DSCAM: variants seen among roughly 807,000 people sequenced by gnomAD.
DSCAM encodes DS cell adhesion molecule, also known as cell adhesion molecule DSCAM.
In DSCAM, 47 loss-of-function variants were observed where a neutral mutation model predicts 217.7. The ratio of observed to expected loss-of-function variants is 0.22; its 90% CI spans 0.17 to 0.28. The LOEUF is 0.28. DSCAM is among the 10% of genes least tolerant of loss of function. The pLI, the probability that DSCAM is intolerant of heterozygous loss-of-function variation, is 1.00. For missense variants in DSCAM, 2,080 were observed against 2,618.3 expected (o/e 0.79, Z 4.49); for synonymous variants, 1,056 against 1,015.3 (o/e 1.04, Z -0.76).
At chr21:40,028,186 G>A (rs1055494117) in intron 32 of DSCAM, among the ~76,000 whole-genome samples, 27 of 105,566 alleles carry the variant, frequency 2.6e-4, no homozygotes, top group Non-Finnish European at 4.4e-4. Context: ...GGGGTCCGGG[G>A]TCAGGGACCC....
chr21:40,216,455 T>A (rs990028464), intron 11 of DSCAM, among the ~76,000 whole-genome samples: 2 of 152,094 alleles, frequency 1.3e-5, no homozygotes, highest in African/African-American at 4.8e-5. Context: ...AACTGGTTGC[T>A]TTATAAAAAA....
At chr21:40,744,638 T>C (rs970827143) in intron 1 of DSCAM, among the ~76,000 whole-genome samples, 2 of 152,092 alleles carry the variant, frequency 1.3e-5, no homozygotes, top group African/African-American at 4.8e-5. Flanking sequence ...CAATATCAAG[T>C]AGTAGAGGTC....
At chr21:40,385,500 CAA>C (rs1372509443) in intron 3 of DSCAM, 1 of 152,216 alleles carries the variant, frequency 6.6e-6, no homozygotes, top group Non-Finnish European at 1.5e-5. Context: ...CAATTTTGCA[CAA>C]ACTTTTACAA....
At chr21:40,256,784 A>G (rs1193950984) in intron 11 of DSCAM, among the ~76,000 whole-genome samples, 1 of 152,226 alleles carries the variant, frequency 6.6e-6, no homozygotes, top group African/African-American at 2.4e-5. Context: ...TCTGAGTACC[A>G]TGCCTAGCAA....
At chr21:40,671,717 A>C (rs971585884) in intron 3 of DSCAM, among the ~76,000 whole-genome samples, 1 of 148,184 alleles carries the variant, frequency 6.7e-6, no homozygotes, top group African/African-American at 2.5e-5. Context: ...AAAAAGGATG[A>C]CTATGGGAAA....
intron 3 of DSCAM, among the ~76,000 whole-genome samples, chr21:40,544,190 G>T (rs1446684968): frequency 2.0e-5 from 3 of 152,150 alleles, no homozygotes; most frequent in Non-Finnish European, 2.9e-5. Flanking sequence ...CAGGGTTCTA[G>T]AAATTGAGGA....
intron 10 of DSCAM, among the ~76,000 whole-genome samples, chr21:40,284,701 C>T (rs1426583875): frequency 6.6e-6 from 1 of 152,216 alleles, no homozygotes; most frequent in Non-Finnish European, 1.5e-5. Flanking sequence ...AGTTCCTACA[C>T]TTCTCAGGTG....
intron 8 of DSCAM, among the ~76,000 whole-genome samples, chr21:40,332,411 T>C (rs755806835): frequency 2.6e-5 from 4 of 152,234 alleles, no homozygotes; most frequent in Non-Finnish European, 4.4e-5. Flanking sequence ...TTATGCTTTA[T>C]CTACGTTACA....
chr21:40,800,942 CTCTT>C (rs1199012999), intron 1 of DSCAM, among the ~76,000 whole-genome samples: 6 of 147,540 alleles, frequency 4.1e-5, no homozygotes, highest in South Asian at 2.3e-4. Flanking sequence ...TCTCAAACTC[CTCTT>C]TCTTTCTTTC....
At chr21:40,650,273 A>G (rs1385943654) in intron 3 of DSCAM, among the ~76,000 whole-genome samples, 1 of 152,180 alleles carries the variant, frequency 6.6e-6, no homozygotes, top group South Asian at 2.1e-4. Context: ...CAACATTTCC[A>G]CTTATCATTA....
At chr21:40,844,976 G>A (rs1243374922) in intron 1 of DSCAM, among the ~76,000 whole-genome samples, 6 of 152,204 alleles carry the variant, frequency 3.9e-5, no homozygotes, top group Admixed American at 2.0e-4. Context: ...AGGGTGTCAA[G>A]GCTCTGTGTC....
At chr21:40,186,497 C>G (rs2090896171) in intron 14 of DSCAM, among the ~76,000 whole-genome samples, 1 of 152,064 alleles carries the variant, frequency 6.6e-6, no homozygotes, top group African/African-American at 2.4e-5. Context: ...TCAAAATGGC[C>G]CGGGCATTGT....
chr21:40,456,562 A>G (rs8133121), intron 3 of DSCAM, among the ~76,000 whole-genome samples: 21,383 of 152,180 alleles, frequency 0.14, 1,590 homozygotes, highest in South Asian at 0.22. Context: ...AGGAAAGACC[A>G]CTAATATTGA....
chr21:40,538,465 A>T (rs2076517312), intron 3 of DSCAM, among the ~76,000 whole-genome samples: 1 of 152,124 alleles, frequency 6.6e-6, no homozygotes, highest in South Asian at 2.1e-4. Flanking sequence ...TATTATTGGG[A>T]AATATTTCAT....
intron 8 of DSCAM, among the ~76,000 whole-genome samples, chr21:40,326,115 C>T (rs1167517336): frequency 1.3e-5 from 2 of 151,988 alleles, no homozygotes; most frequent in African/African-American, 2.4e-5. Context: ...GAGACAGGGA[C>T]AAACGATACC....
intron 3 of DSCAM, among the ~76,000 whole-genome samples, chr21:40,631,194 C>G (rs1046488887): frequency 2.6e-5 from 4 of 152,200 alleles, no homozygotes; most frequent in African/African-American, 9.7e-5. Flanking sequence ...CTCCCCTCCT[C>G]TGCTCCACCA....
chr21:40,676,846 A>G (rs1441518306), intron 3 of DSCAM, among the ~76,000 whole-genome samples: 10 of 152,176 alleles, frequency 6.6e-5, no homozygotes, highest in Admixed American at 6.5e-4. Flanking sequence ...TTAAAGAACA[A>G]ATTACTTCGC....
intron 18 of DSCAM, among the ~76,000 whole-genome samples, chr21:40,134,339 C>T (rs2090185535): frequency 6.6e-6 from 1 of 152,182 alleles, no homozygotes; most frequent in Non-Finnish European, 1.5e-5. Context: ...TGCTAATGAG[C>T]AATGTCCCCT....
intron 3 of DSCAM, among the ~76,000 whole-genome samples, chr21:40,571,437 G>T (rs2146203956): frequency 6.6e-6 from 1 of 152,200 alleles, no homozygotes; most frequent in Middle Eastern, 3.4e-3. Context: ...CATCTAATAT[G>T]TATCAGTTTA....
Sources: allele counts gnomAD v4.1 joint callset (sites outside exome capture counted in the v4.1 genomes callset), GRCh38; gene constraint gnomAD v4.1.1; transcripts MANE v1.5; gene names NCBI Gene and HGNC (gene_info 2026-07-23, HGNC 2026-07-21).